LITAF: variants seen among roughly 807,000 people sequenced by gnomAD.
LITAF encodes the protein lipopolysaccharide-induced tumor necrosis factor-alpha factor.
LITAF carries 9 observed loss-of-function variants against 14.5 expected under a neutral mutation model. That is an observed-to-expected ratio of 0.62 (90% CI 0.37 to 1.08). LITAF has a LOEUF of 1.08. Among genes scored for constraint, LITAF ranks in the 50% least tolerant of loss-of-function variants. The pLI is 0.01. For missense variants in LITAF, 206 were observed against 213.4 expected, an observed-to-expected ratio of 0.97 and a Z score of 0.22; for synonymous variants, 98 against 88.2, an observed-to-expected ratio of 1.11 and a Z score of -0.62.
intron 1 of LITAF, among the ~76,000 whole-genome samples, chr16:11,566,526 G>T (rs1281587503): frequency 6.6e-6 from 1 of 152,220 alleles, no homozygotes; most frequent in African/African-American, 2.4e-5. Context: ...CACTTTGGGA[G>T]GCCAAGGCAG....
intron 1 of LITAF, chr16:11,636,158 G>A (rs1254513789): frequency 6.6e-6 from 1 of 152,190 alleles, no homozygotes; most frequent in Non-Finnish European, 1.5e-5. Flanking sequence ...CAGCCTCCTC[G>A]GAGCCGGGCT....
In LITAF at chr16:11,632,664, C is replaced by G. The variant is rs1037305038; in HGVS notation, c.85+869G>C. Among the ~76,000 whole-genome samples, 1 of 152,184 alleles carries G rather than the reference C, an allele frequency of 6.6e-6. No individual in the cohort carries two copies. The highest frequency in any genetic ancestry group is 1.5e-5 in the Non-Finnish European group (1 of 68,022). ...GCCAGGGGAAGAACTGATGGCTGGA[C>G]CCCAGGCCCAAGGCAGATGCCACCC... On this transcript the variant is annotated intron_variant, in intron 3 of 3. Coordinates refer to the LITAF transcript ENST00000574848. The surrounding 1 kb of genome is among the most constrained non-coding windows in gnomAD (Gnocchi z 4.8).
intron 3 of LITAF, among the ~76,000 whole-genome samples, chr16:11,616,586 GCT>G: frequency 6.6e-6 from 1 of 151,972 alleles, no homozygotes; most frequent in Non-Finnish European, 1.5e-5. Context: ...GACCTTAGAA[GCT>G]CTGTCAGGTA....
intron 2 of LITAF, among the ~76,000 whole-genome samples, chr16:11,555,078 G>C (rs1328275567): frequency 1.3e-5 from 2 of 152,010 alleles, no homozygotes; most frequent in Admixed American, 1.3e-4. Flanking sequence ...TGTTGCCCAG[G>C]CTGGAGTGCA....
At chr16:11,578,333 G>A (rs2064675667) in intron 1 of LITAF, among the ~76,000 whole-genome samples, 1 of 152,186 alleles carries the variant, frequency 6.6e-6, no homozygotes, top group African/African-American at 2.4e-5. Context: ...CAAGGCGGGT[G>A]GATCACCTGA....
chr16:11,636,267 C>G (rs183403059), exon 1 of LITAF: 7 of 152,164 alleles, frequency 4.6e-5, no homozygotes, highest in Non-Finnish European at 8.8e-5. Flanking sequence ...GACAGCCATG[C>G]AAAACTAGGA....
At chr16:11,626,266 C>A (rs537793839) in intron 3 of LITAF, among the ~76,000 whole-genome samples, 1 of 152,182 alleles carries the variant, frequency 6.6e-6, no homozygotes, top group Non-Finnish European at 1.5e-5. Context: ...GCAACCTCTG[C>A]CTCCCAGGTT....
intron 3 of LITAF, among the ~76,000 whole-genome samples, chr16:11,606,328 C>T (rs1238962044): frequency 1.3e-5 from 2 of 151,780 alleles, no homozygotes; most frequent in Non-Finnish European, 2.9e-5. Context: ...ACCACCATGC[C>T]CAGTTAATTT....
intron 1 of LITAF, among the ~76,000 whole-genome samples, chr16:11,574,481 T>G (rs1056327823): frequency 6.6e-6 from 1 of 152,252 alleles, no homozygotes; most frequent in African/African-American, 2.4e-5. Context: ...ACACCCTTGC[T>G]GGTCTTTTGT....
chr16:11,550,843 T>C lies in LITAF; in HGVS notation c.378-1098A>G, dbSNP rs1039211924. On this transcript the variant is annotated intron_variant, in intron 3 of 3. Coordinates refer to ENST00000622633, the MANE Select transcript of LITAF (RefSeq NM_001136472.2). ...GCCATGGCGTCTCTGTTGCAACTGCTCAACTCTGCCCTTGGAATGAGAAGA... is the reference window on the plus strand; with the variant it reads ...GCCATGGCGTCTCTGTTGCAACTGCCCAACTCTGCCCTTGGAATGAGAAGA... 3.9e-5 allele frequency among the ~76,000 whole-genome samples: 6 copies of C among 152,138 alleles called. No individual in the cohort carries two copies. The South Asian group carries it at 6.2e-4, about 16-fold the overall frequency.
intron 1 of LITAF, among the ~76,000 whole-genome samples, chr16:11,573,680 A>G (rs1396248088): frequency 7.0e-6 from 1 of 143,704 alleles, no homozygotes; most frequent in African/African-American, 2.5e-5. Context: ...CCATTTGTGT[A>G]TGGTGAGAGA....
chr16:11,567,614 A>C (rs551960555), intron 1 of LITAF, among the ~76,000 whole-genome samples: 3 of 152,114 alleles, frequency 2.0e-5, no homozygotes, highest in Non-Finnish European at 4.4e-5. Context: ...TGCTAAAATC[A>C]TCACTCAGCG....
chr16:11,589,917 C>CGT (rs1320139881), upstream of LITAF, among the ~76,000 whole-genome samples: 8 of 128,890 alleles, frequency 6.2e-5, no homozygotes, highest in African/African-American at 1.0e-4. Context: ...AGGCACCACA[C>CGT]CCAGCCAGTT....
At chr16:11,579,308 G>A (rs1169807656) in intron 1 of LITAF, among the ~76,000 whole-genome samples, 18 of 151,258 alleles carry the variant, frequency 1.2e-4, no homozygotes, top group African/African-American at 3.9e-4. Context: ...AAAATTAGCC[G>A]GGCGCGGTGG....
intron 1 of LITAF, among the ~76,000 whole-genome samples, chr16:11,573,949 G>A (rs1369367616): frequency 3.3e-5 from 5 of 151,602 alleles, no homozygotes; most frequent in Admixed American, 1.3e-4. Flanking sequence ...TGATCCTCCC[G>A]CCTCGGGCTC....
intron 3 of LITAF, among the ~76,000 whole-genome samples, chr16:11,609,258 C>T (rs1200981353): frequency 6.6e-6 from 1 of 150,552 alleles, no homozygotes; most frequent in Non-Finnish European, 1.5e-5. Context: ...GTCGCCCAGG[C>T]TGGAGTGCAG....
chr16:11,630,002 G>A (rs2065108279), intron 3 of LITAF, among the ~76,000 whole-genome samples: 2 of 152,188 alleles, frequency 1.3e-5, no homozygotes, highest in Non-Finnish European at 2.9e-5. Context: ...AGGAGTTCGG[G>A]TGCCTTCCTG....
chr16:11,574,969 A>G (rs1158558804), intron 1 of LITAF, among the ~76,000 whole-genome samples: 1 of 151,868 alleles, frequency 6.6e-6, no homozygotes, highest in African/African-American at 2.4e-5. Context: ...CGCTCAGCTC[A>G]TTTTTTTATT....
At position 11,625,024 on chromosome 16, in the gene LITAF, G is replaced by C. The variant is rs1448072800; in HGVS notation, c.85+8509C>G. On this transcript the variant is annotated intron_variant, in intron 3 of 3. Transcript: ENST00000574848. ...AAGGTGCCCCAACCAACCAGCTCTGGACTGGAGGACCCAGGAAGGTGAGAC... is the reference window on the plus strand; with the variant it reads ...AAGGTGCCCCAACCAACCAGCTCTGCACTGGAGGACCCAGGAAGGTGAGAC... Among the ~76,000 whole-genome samples, 3 of 152,148 alleles carry C rather than the reference G, an allele frequency of 2.0e-5. No individual in the cohort carries two copies. In the East Asian group the frequency reaches 5.8e-4, roughly 29 times the overall value.
Sources: allele counts gnomAD v4.1 joint callset (sites outside exome capture counted in the v4.1 genomes callset), GRCh38; gene constraint gnomAD v4.1.1; non-coding constraint Gnocchi (gnomAD v3.1); transcripts MANE v1.5; gene names NCBI Gene and HGNC (gene_info 2026-07-23, HGNC 2026-07-21).